CENPP: variants seen among roughly 807,000 people sequenced by gnomAD.
CENPP encodes the protein centromere protein P.
In CENPP, 24 loss-of-function variants were observed where a neutral mutation model predicts 35.6. The ratio of observed to expected loss-of-function variants is 0.67; its 90% CI spans 0.49 to 0.95. The LOEUF is 0.95. Ranked by LOEUF, CENPP falls within the 40% of genes least tolerant of loss-of-function variation. The probability of loss-of-function intolerance (pLI) is 0.00; values close to 1 mark genes in which losing one functional copy is unlikely to be tolerated. For synonymous variants in CENPP, 120 were observed against 125.5 expected, an observed-to-expected ratio of 0.96 and a Z score of 0.29; for missense variants, 332 against 345.3, an observed-to-expected ratio of 0.96 and a Z score of 0.31.
intron 5 of CENPP, chr9:92,505,651 T>C: frequency 6.2e-7 from 1 of 1,607,132 alleles, no homozygotes; most frequent in Non-Finnish European, 8.5e-7. Context: ...TTCACTGAGA[T>C]TGTTTCCTTC....
intron 5 of CENPP, chr9:92,493,427 G>A (rs947435763): frequency 6.6e-6 from 1 of 152,128 alleles, no homozygotes; most frequent in Admixed American, 6.5e-5. Flanking sequence ...ACCAGGTTCT[G>A]TATGTCTTTC....
chr9:92,523,415 A>C (rs1310832130), intron 5 of CENPP, among the ~76,000 whole-genome samples: 1 of 152,216 alleles, frequency 6.6e-6, no homozygotes, highest in African/African-American at 2.4e-5. Context: ...GTTGGGGACC[A>C]GCCTCAACAC....
At chr9:92,508,307 C>T (rs1030856547) in intron 5 of CENPP, among the ~76,000 whole-genome samples, 2 of 152,210 alleles carry the variant, frequency 1.3e-5, no homozygotes, top group East Asian at 1.9e-4. Flanking sequence ...CGAGGCTCCT[C>T]GGGTGCTCGG....
intron 5 of CENPP, among the ~76,000 whole-genome samples, chr9:92,390,621 A>G (rs1842640028): frequency 1.3e-5 from 2 of 151,914 alleles, no homozygotes; most frequent in African/African-American, 2.4e-5. Context: ...CATCACGTAT[A>G]TCTGGGATAA....
intron 5 of CENPP, among the ~76,000 whole-genome samples, chr9:92,437,177 G>A (rs1844265734): frequency 6.6e-6 from 1 of 152,110 alleles, no homozygotes; most frequent in Non-Finnish European, 1.5e-5. Context: ...AATCCAGCCT[G>A]GGCAACAAGA....
At chr9:92,453,087 G>A (rs982856162) in intron 5 of CENPP, among the ~76,000 whole-genome samples, 1 of 151,896 alleles carries the variant, frequency 6.6e-6, no homozygotes, top group African/African-American at 2.4e-5. Context: ...GGTTTTTTAT[G>A]TCTCTATTTC....
In CENPP at chr9:92,464,986, C is replaced by A. The variant is rs537601237; in HGVS notation, c.564+85127C>A. 2.1e-4 allele frequency: 345 copies of A among 1,613,980 alleles called. 4 individuals are homozygous for A. The South Asian group carries it at 3.6e-3, about 17-fold the overall frequency. On this transcript the variant is annotated intron_variant, in intron 5 of 7. Transcript: ENST00000375587. ...GGAACACCGTCACCCCTTCAAATGC[C>A]CCTGGCTCTATCCCATTATTATCAA... is the stretch of plus-strand genomic sequence containing the variant.
intron 5 of CENPP, among the ~76,000 whole-genome samples, chr9:92,504,395 C>T (rs1401022561): frequency 5.9e-5 from 9 of 152,182 alleles, no homozygotes; most frequent in African/African-American, 9.7e-5. Context: ...GGGCTGCAGC[C>T]GGAGAATGCT....
At chr9:92,609,633 C>CT (rs1399574547) in intron 5 of CENPP, among the ~76,000 whole-genome samples, 2 of 152,254 alleles carry the variant, frequency 1.3e-5, no homozygotes, top group Non-Finnish European at 2.9e-5. Flanking sequence ...GAGACTAGCC[C>CT]TAGGAGCTCG....
At chr9:92,578,400 G>C (rs1850337823) in intron 5 of CENPP, among the ~76,000 whole-genome samples, 1 of 152,098 alleles carries the variant, frequency 6.6e-6, no homozygotes, top group Non-Finnish European at 1.5e-5. Context: ...GGTTGAACTA[G>C]TTTACAGTCC....
chr9:92,522,489 C>G, intron 5 of CENPP: 93 of 1,181,120 alleles, frequency 7.9e-5, no homozygotes, highest in Non-Finnish European at 8.5e-5. Flanking sequence ...GAGATGTTCT[C>G]CCTCTCTCCC....
chr9:92,386,783 C>T (rs1842439491), intron 5 of CENPP, among the ~76,000 whole-genome samples: 1 of 152,010 alleles, frequency 6.6e-6, no homozygotes, highest in African/African-American at 2.4e-5. Flanking sequence ...GAGGTTTCAC[C>T]ATGTTGGCTG....
intron 5 of CENPP, chr9:92,415,559 T>TCCCA: frequency 3.1e-6 from 2 of 639,344 alleles, no homozygotes; most frequent in Non-Finnish European, 4.8e-6. Flanking sequence ...AGATTTTATA[T>TCCCA]TGTATGGGAT....
At chr9:92,501,133 CGAT>C in intron 5 of CENPP, 1 of 1,392,436 alleles carries the variant, frequency 7.2e-7, no homozygotes, top group Non-Finnish European at 9.8e-7. Context: ...AGGCCAGTCT[CGAT>C]GCTGGTCCAT....
At chr9:92,488,337 T>C (rs549083767) in intron 5 of CENPP, among the ~76,000 whole-genome samples, 2 of 152,346 alleles carry the variant, frequency 1.3e-5, no homozygotes, top group African/African-American at 4.8e-5. Context: ...TGATTTATCC[T>C]TCACTCTAGT....
chr9:92,444,147 G>A (rs1304030895), intron 5 of CENPP, among the ~76,000 whole-genome samples: 4 of 152,038 alleles, frequency 2.6e-5, no homozygotes, highest in Non-Finnish European at 5.9e-5. Context: ...ATATCACTCC[G>A]CTTTGAGATA....
Position 92,396,632 on chromosome 9 carries a change from T to C in CENPP, c.564+16773T>C, listed in dbSNP as rs1305935599. Reference sequence around the variant, plus strand: ...AGGGTGGGGTACAGTCGCATGATCATGGTTCACTGCAAACCTCGACCTCCT... The same window carrying C: ...AGGGTGGGGTACAGTCGCATGATCACGGTTCACTGCAAACCTCGACCTCCT... On this transcript the variant is annotated intron_variant, in intron 5 of 7. Transcript: ENST00000375587. Among the ~76,000 whole-genome samples, 3 of 151,490 alleles carry C rather than the reference T, an allele frequency of 2.0e-5. No individual in the cohort carries two copies. The East Asian group carries it at 5.9e-4, about 30-fold the overall frequency.
intron 5 of CENPP, among the ~76,000 whole-genome samples, chr9:92,463,123 C>T (rs1845178295): frequency 6.6e-6 from 1 of 152,156 alleles, no homozygotes. Context: ...AATTTCTGTT[C>T]CCACCCTGTC....
rs538944163 is a variant in CENPP at position 92,573,138 on chromosome 9, G to T, written c.565-38176G>T. Among the ~76,000 whole-genome samples, 22 of 152,288 alleles carry T rather than the reference G, an allele frequency of 1.4e-4. 1 individual carries two copies. Among genetic ancestry groups the T allele is most frequent in the Middle Eastern group, 6.8e-3 (2 of 294 alleles). ...CTCCGTCCAGCTTTGTTCCCTTGCT[G>T]GCGAGGAGCTGCGTTCCTTTGGAGG... On this transcript the variant is annotated intron_variant, in intron 5 of 7. Transcript: ENST00000375587.
Sources: gnomAD v4.1 joint callset for allele counts (sites outside exome capture counted in the v4.1 genomes callset) on GRCh38, gnomAD v4.1.1 for gene constraint, MANE v1.5 for transcripts, NCBI Gene and HGNC (gene_info 2026-07-23, HGNC 2026-07-21) for gene names.